The following PDE4D variants were observed in gnomAD, a reference collection of about 807,000 sequenced individuals.
PDE4D encodes the protein 3',5'-cyclic-AMP phosphodiesterase 4D.
PDE4D carries 24 observed loss-of-function variants against 87.4 expected under a neutral mutation model. That is an observed-to-expected ratio of 0.27 (90% CI 0.20 to 0.39). The LOEUF (loss-of-function observed/expected upper bound fraction) is 0.39, where lower values mean the gene tolerates loss of function less well. PDE4D is among the 10% of genes least tolerant of loss of function. The pLI is 1.00. For synonymous variants in PDE4D, 384 were observed against 383.2 expected (o/e 1.00, Z -0.02); for missense variants, 714 against 1,041.0 (o/e 0.69, Z 4.32).
intron 1 of PDE4D, chr5:59,275,956 G>C: frequency 1.0e-6 from 1 of 985,100 alleles, no homozygotes; most frequent in Non-Finnish European, 1.2e-6. Flanking sequence ...ACTTTGGCTG[G>C]GTGGGCTGAT....
upstream of PDE4D, among the ~76,000 whole-genome samples, chr5:59,896,477 A>G (rs1167195406): frequency 6.6e-6 from 1 of 152,184 alleles, no homozygotes. Context: ...TCCATGAAGC[A>G]GGATAGGGCT....
At chr5:59,889,819 G>A (rs888586534) in intron 1 of PDE4D, among the ~76,000 whole-genome samples, 4 of 152,070 alleles carry the variant, frequency 2.6e-5, no homozygotes, top group African/African-American at 9.7e-5. Context: ...TGGTAACTTA[G>A]AGACTCATTT....
At chr5:60,510,162 G>C (rs1415081421) in intron 1 of PDE4D, among the ~76,000 whole-genome samples, 2 of 152,170 alleles carry the variant, frequency 1.3e-5, no homozygotes, top group African/African-American at 2.4e-5. Context: ...TGGAGTAAGA[G>C]AGCCCTAAGC....
chr5:60,215,197 A>G (rs1252399104), intron 1 of PDE4D, among the ~76,000 whole-genome samples: 3 of 152,156 alleles, frequency 2.0e-5, no homozygotes, highest in African/African-American at 4.8e-5. Flanking sequence ...TTTAATCCCA[A>G]TTGGAAATAC....
At chr5:60,039,675 C>T (rs77527644) in intron 2 of PDE4D, among the ~76,000 whole-genome samples, 275 of 151,686 alleles carry the variant, frequency 1.8e-3, no homozygotes, top group African/African-American at 6.5e-3. Context: ...GGCTTTGAGA[C>T]CATATAATCC....
Position 60,136,417 on chromosome 5 carries a change from A to G in PDE4D, c.42+49140T>C, listed in dbSNP as rs548712902. Among the ~76,000 whole-genome samples the G allele has an allele frequency of 4.6e-5, 7 of 152,004 alleles. No homozygotes were observed. The South Asian group carries it at 1.5e-3, about 32-fold the overall frequency. ...CTGCAACCTCTTCCTTCCAGGTACA[A>G]GTAATTTCTGCCTCAGCCTCCCAAG... On this transcript the variant is annotated intron_variant, in intron 2 of 16. Coordinates refer to the PDE4D transcript ENST00000502484.
In PDE4D at chr5:60,046,139, T is replaced by G. The variant is rs377697810; in HGVS notation, c.43-57422A>C. 6.2e-4 allele frequency among the ~76,000 whole-genome samples: 94 copies of G among 152,222 alleles called. 1 individual carries two copies. Among genetic ancestry groups the G allele is most frequent in the East Asian group, 5.6e-3 (29 of 5,184 alleles). On this transcript the variant is annotated intron_variant, in intron 2 of 16. Transcript: ENST00000502484. ...TTCTCTTTGAAGCAATTGTGAATGG[T>G]AGTTCACTCATGATTTGGCTCTCTG...
chr5:59,708,719 T>TA (rs1167634159), intron 1 of PDE4D, among the ~76,000 whole-genome samples: 3 of 152,156 alleles, frequency 2.0e-5, no homozygotes, highest in Admixed American at 2.0e-4. Context: ...AAGACTCTGA[T>TA]AACCATGAAG....
intron 1 of PDE4D, among the ~76,000 whole-genome samples, chr5:60,452,184 T>C (rs1746149214): frequency 6.6e-6 from 1 of 152,082 alleles, no homozygotes; most frequent in Admixed American, 6.6e-5. Flanking sequence ...CCCTGGAATT[T>C]TGTAAATCTC....
At chr5:60,162,793 G>C (rs1003673358) in intron 2 of PDE4D, among the ~76,000 whole-genome samples, 1 of 151,892 alleles carries the variant, frequency 6.6e-6, no homozygotes, top group Non-Finnish European at 1.5e-5. Context: ...ACCACAAATG[G>C]CAAAGGAAGA....
intron 6 of PDE4D, among the ~76,000 whole-genome samples, chr5:59,022,438 C>T (rs1293477477): frequency 6.6e-6 from 1 of 152,134 alleles, no homozygotes; most frequent in Non-Finnish European, 1.5e-5. Flanking sequence ...TCCCTTGCCA[C>T]TTTGCCCCCA....
chr5:60,196,752 A>G (rs1741257696), intron 1 of PDE4D, among the ~76,000 whole-genome samples: 1 of 151,718 alleles, frequency 6.6e-6, no homozygotes. Flanking sequence ...CTTACTAGCT[A>G]CAAAGAAAAG....
intron 1 of PDE4D, among the ~76,000 whole-genome samples, chr5:60,346,683 C>T (rs1490789726): frequency 1.3e-5 from 2 of 152,112 alleles, no homozygotes; most frequent in Non-Finnish European, 2.9e-5. Flanking sequence ...GTCTGAGCCA[C>T]TCACAGCAAC....
intron 1 of PDE4D, among the ~76,000 whole-genome samples, chr5:59,360,539 C>A (rs181270830): frequency 2.0e-5 from 3 of 152,002 alleles, no homozygotes; most frequent in Admixed American, 1.3e-4. Context: ...AGTTTGATAA[C>A]GGGGCTTGTG....
At chr5:59,318,349 A>T (rs551702069) in intron 1 of PDE4D, among the ~76,000 whole-genome samples, 1 of 152,288 alleles carries the variant, frequency 6.6e-6, no homozygotes, top group South Asian at 2.1e-4. Context: ...GAGCTTGCTT[A>T]GGTCACATAG....
chr5:60,326,602 CATA>C (rs893377398), intron 1 of PDE4D, among the ~76,000 whole-genome samples: 32 of 152,006 alleles, frequency 2.1e-4, no homozygotes, highest in Admixed American at 2.0e-3. Context: ...CCATCAGGTA[CATA>C]ATGTTTCTTA....
intron 1 of PDE4D, among the ~76,000 whole-genome samples, chr5:59,609,566 C>G (rs138159938): frequency 2.6e-5 from 4 of 152,156 alleles, no homozygotes. Context: ...ACTTTCCCGA[C>G]TGTGGTGTCT....
At chr5:59,398,302 C>T (rs1157456380) in intron 1 of PDE4D, among the ~76,000 whole-genome samples, 1 of 127,290 alleles carries the variant, frequency 7.9e-6, no homozygotes, top group Non-Finnish European at 1.7e-5. Context: ...GACCAATATC[C>T]TTGATGAACA....
At chr5:59,328,534 G>A (rs950100579) in intron 1 of PDE4D, among the ~76,000 whole-genome samples, 2 of 152,222 alleles carry the variant, frequency 1.3e-5, no homozygotes, top group East Asian at 3.9e-4. Flanking sequence ...GGAGAACAAA[G>A]AAAAGCAACT....
Sources: allele counts gnomAD v4.1 joint callset (sites outside exome capture counted in the v4.1 genomes callset), GRCh38; gene constraint gnomAD v4.1.1; transcripts MANE v1.5; gene names NCBI Gene and HGNC (gene_info 2026-07-23, HGNC 2026-07-21).